GRIN2B: variants seen among roughly 807,000 people sequenced by gnomAD.
GRIN2B encodes the protein glutamate receptor ionotropic, NMDA 2B.
Under a neutral mutation model 114.5 loss-of-function variants are expected in GRIN2B, and 5 were observed. The observed-to-expected ratio is 0.04, with a 90% confidence interval of 0.02 to 0.09. GRIN2B has a LOEUF of 0.09. Among genes scored for constraint, GRIN2B ranks in the 10% least tolerant of loss-of-function variants. The pLI is 1.00. For missense variants in GRIN2B, 1,108 were observed against 1,943.5 expected, an observed-to-expected ratio of 0.57 and a Z score of 8.08; for synonymous variants, 787 against 745.1, an observed-to-expected ratio of 1.06 and a Z score of -0.92.
At chr12:13,927,958 C>A (rs1282180052) in intron 2 of GRIN2B, among the ~76,000 whole-genome samples, 1 of 12,164 alleles carries the variant, frequency 8.2e-5, no homozygotes, top group Non-Finnish European at 1.8e-4. Flanking sequence ...CAGAGCAAGA[C>A]CCTGTCTCAA....
chr12:13,934,353 G>T lies in GRIN2B; in HGVS notation c.-19+45575C>A, dbSNP rs77201276. 5.5e-3 allele frequency among the ~76,000 whole-genome samples: 837 copies of T among 152,230 alleles called. 22 individuals are homozygous for T. Among genetic ancestry groups the T allele is most frequent in the East Asian group, 0.049 (256 of 5,176 alleles). On this transcript the variant is annotated intron_variant, in intron 2 of 13. Coordinates refer to ENST00000609686, the MANE Select transcript of GRIN2B (RefSeq NM_000834.5). ...TCCTTAGGAAACTATTTGGAAACAG[G>T]GTTAGATACTATAGTTTACATATAC... is the stretch of plus-strand genomic sequence containing the variant.
At chr12:13,943,427 C>T (rs150971998) in intron 2 of GRIN2B, among the ~76,000 whole-genome samples, 1 of 152,168 alleles carries the variant, frequency 6.6e-6, no homozygotes, top group East Asian at 1.9e-4. Flanking sequence ...GATGATGTCA[C>T]ACTCCTACTC....
chr12:13,711,647 A>G (rs1950415841), intron 4 of GRIN2B, among the ~76,000 whole-genome samples: 1 of 152,180 alleles, frequency 6.6e-6, no homozygotes, highest in African/African-American at 2.4e-5. Flanking sequence ...ATCACTGGCC[A>G]TCAGAGAAAT....
At chr12:13,713,625 G>A (rs1950432448) in intron 4 of GRIN2B, among the ~76,000 whole-genome samples, 1 of 151,850 alleles carries the variant, frequency 6.6e-6, no homozygotes, top group Non-Finnish European at 1.5e-5. Context: ...CATTCCACAT[G>A]TGAACAAAAA....
Position 13,555,902 on chromosome 12 carries a change from C to T in GRIN2B, c.*6881G>A, listed in dbSNP as rs1049324734. ...TCTTCACGTAGGTTTAAGACTTGCT[C>T]TTCTTGGGGATGCAATGAATGACAA... On this transcript the variant is annotated 3_prime_UTR_variant, in exon 14 of 14. Transcript: ENST00000609686. 1.3e-5 allele frequency: 2 copies of T among 152,198 alleles called. No individual in the cohort carries two copies. The highest frequency in any genetic ancestry group is 6.6e-5 in the Admixed American group (1 of 15,264). The allele number at this position is 152,198 out of a possible 1,614,324, so 9.4% of individuals were successfully genotyped here.
At chr12:13,898,592 C>T (rs1866391073) in intron 2 of GRIN2B, among the ~76,000 whole-genome samples, 1 of 152,178 alleles carries the variant, frequency 6.6e-6, no homozygotes, top group Non-Finnish European at 1.5e-5. Flanking sequence ...TGTTACATTT[C>T]CTGGCACATT....
intron 3 of GRIN2B, among the ~76,000 whole-genome samples, chr12:13,846,445 G>C (rs12825107): frequency 2.6e-5 from 4 of 151,588 alleles, no homozygotes; most frequent in African/African-American, 9.7e-5. Context: ...CATATTTTTC[G>C]CAGTTGCTTT....
intron 4 of GRIN2B, among the ~76,000 whole-genome samples, chr12:13,742,603 G>A (rs1036774582): frequency 6.6e-6 from 1 of 152,040 alleles, no homozygotes; most frequent in Non-Finnish European, 1.5e-5. Flanking sequence ...GTTAATTTTT[G>A]TATTTTTAGT....
rs566260864 is a variant in GRIN2B, at chr12:13,545,167, A to G, written c.*17616T>C. On this transcript the variant is annotated 3_prime_UTR_variant, in exon 14 of 14. Coordinates refer to ENST00000609686, the MANE Select transcript of GRIN2B (RefSeq NM_000834.5). Reference sequence around the variant, plus strand: ...GCAATTGCTTTCTCTTTGCCTTTGCATAGAAAGCCCCAAGTCTCACTCCCT... The same window carrying G: ...GCAATTGCTTTCTCTTTGCCTTTGCGTAGAAAGCCCCAAGTCTCACTCCCT... 10 of 152,114 alleles carry G rather than the reference A, an allele frequency of 6.6e-5. No homozygotes were observed. Among genetic ancestry groups the G allele is most frequent in the African/African-American group, 2.2e-4 (9 of 41,400 alleles). The allele number at this position is 152,114 out of a possible 1,614,324, so 9.4% of individuals were successfully genotyped here. A position where few individuals can be genotyped will look rare whatever the true frequency, so the allele number is the denominator to read the frequency against.
intron 4 of GRIN2B, among the ~76,000 whole-genome samples, chr12:13,744,072 A>G (rs1482739014): frequency 6.6e-6 from 1 of 152,194 alleles, no homozygotes; most frequent in East Asian, 1.9e-4. Flanking sequence ...CTTGACTACT[A>G]AGTTTCCCTC....
chr12:13,876,132 T>C (rs1445736378), intron 2 of GRIN2B, among the ~76,000 whole-genome samples: 1 of 152,202 alleles, frequency 6.6e-6, no homozygotes, highest in African/African-American at 2.4e-5. Flanking sequence ...AAGATCCTTA[T>C]AATCTTTTGA....
chr12:13,798,251 T>C (rs776749190), intron 3 of GRIN2B, among the ~76,000 whole-genome samples: 3 of 150,252 alleles, frequency 2.0e-5, no homozygotes, highest in African/African-American at 7.4e-5. Context: ...GAACATATGA[T>C]TGTAGAGTTA....
chr12:13,727,350 G>T (rs1863008748), intron 4 of GRIN2B, among the ~76,000 whole-genome samples: 1 of 152,130 alleles, frequency 6.6e-6, no homozygotes, highest in Non-Finnish European at 1.5e-5. Flanking sequence ...TTTTCTGGTG[G>T]TTTCCCATGA....
chr12:13,722,497 G>A (rs1485794864), intron 4 of GRIN2B, among the ~76,000 whole-genome samples: 3 of 152,072 alleles, frequency 2.0e-5, no homozygotes, highest in South Asian at 4.1e-4. Context: ...TGTAGACAGA[G>A]GGCATGGGTA....
At chr12:13,669,958 T>C (rs1466227181) in intron 5 of GRIN2B, among the ~76,000 whole-genome samples, 2 of 152,104 alleles carry the variant, frequency 1.3e-5, no homozygotes, top group Non-Finnish European at 2.9e-5. Context: ...ACAGCGTCCC[T>C]TAGCCTGTCT....
chr12:13,783,960 ATGCC>A (rs1435242606), intron 3 of GRIN2B, among the ~76,000 whole-genome samples: 2 of 152,148 alleles, frequency 1.3e-5, no homozygotes, highest in Non-Finnish European at 2.9e-5. Flanking sequence ...GCGGTGGCTC[ATGCC>A]TGTAATCCCA....
chr12:13,797,621 G>GT (rs1480884476), intron 3 of GRIN2B, among the ~76,000 whole-genome samples: 6 of 152,126 alleles, frequency 3.9e-5, no homozygotes, highest in Non-Finnish European at 8.8e-5. Context: ...TTTGACTAAT[G>GT]TAACAACCAA....
intron 4 of GRIN2B, among the ~76,000 whole-genome samples, chr12:13,738,130 CT>C (rs1262066383): frequency 9.2e-6 from 1 of 108,942 alleles, no homozygotes. Flanking sequence ...CATTTCTTTT[CT>C]TACCTTGGCA....
chr12:13,793,034 C>T (rs1684287542), intron 3 of GRIN2B, among the ~76,000 whole-genome samples: 1 of 152,190 alleles, frequency 6.6e-6, no homozygotes, highest in Non-Finnish European at 1.5e-5. Context: ...GTCTGTGTTA[C>T]TTGTAATATT....
Sources: allele counts gnomAD v4.1 joint callset (sites outside exome capture counted in the v4.1 genomes callset), GRCh38; gene constraint gnomAD v4.1.1; transcripts MANE v1.5; gene names NCBI Gene and HGNC (gene_info 2026-07-23, HGNC 2026-07-21).